Variants in ANKFN1 observed in about 807,000 individuals in gnomAD.
ANKFN1 encodes ankyrin repeat and fibronectin type-III domain-containing protein 1.
ANKFN1 carries 74 observed loss-of-function variants against 108.7 expected under a neutral mutation model. The observed-to-expected ratio is 0.68, with a 90% CI of 0.56 to 0.83. The LOEUF is 0.83. Ranked by LOEUF, ANKFN1 falls within the 40% of genes least tolerant of loss-of-function variation. The pLI, the probability that ANKFN1 is intolerant of heterozygous loss-of-function variation, is 0.00. For synonymous variants in ANKFN1, 547 were observed against 516.2 expected (o/e 1.06, Z -0.81); for missense variants, 1,505 against 1,382.3 (o/e 1.09, Z -1.41).
At chr17:56,490,527 C>G (rs1244937221) in intron 18 of ANKFN1, among the ~76,000 whole-genome samples, 1 of 152,056 alleles carries the variant, frequency 6.6e-6, no homozygotes, top group Non-Finnish European at 1.5e-5. Context: ...ATTCTCAAAT[C>G]CTAGATCACA....
chr17:56,388,772 C>T (rs1160786556), intron 8 of ANKFN1, among the ~76,000 whole-genome samples: 2 of 152,120 alleles, frequency 1.3e-5, no homozygotes, highest in Non-Finnish European at 2.9e-5. Context: ...TTTTCCCTCT[C>T]AGCGTATTCT....
chr17:56,458,477 T>TA (rs374746116), intron 14 of ANKFN1, among the ~76,000 whole-genome samples: 3,650 of 148,096 alleles, frequency 0.025, 62 homozygotes, highest in Non-Finnish European at 0.037. Flanking sequence ...TGCTTACTTA[T>TA]AAAAAAAAAA....
rs537074651 is a variant in ANKFN1 at position 56,505,823 on chromosome 17, G to A, written c.2645-4650G>A. Among the ~76,000 whole-genome samples the A allele has an allele frequency of 9.9e-5, 15 of 152,182 alleles. No individual in the cohort carries two copies. The South Asian group carries it at 2.5e-3, about 25-fold the overall frequency. ...TGTCAGCTCATTTAAGGCACATTTC[G>A]TATACTCCTTAGTCCCCTCCAAACA... is the stretch of plus-strand genomic sequence containing the variant. On this transcript the variant is annotated intron_variant, in intron 20 of 20. Transcript: ENST00000682825.
chr17:56,124,951 C>A (rs747809562), intron 4 of ANKFN1, among the ~76,000 whole-genome samples: 2 of 152,198 alleles, frequency 1.3e-5, no homozygotes, highest in Non-Finnish European at 2.9e-5. Flanking sequence ...CTGGGGCTAA[C>A]ATTTTGGTTG....
chr17:56,495,399 T>C (rs560187788), intron 19 of ANKFN1, among the ~76,000 whole-genome samples: 4 of 152,110 alleles, frequency 2.6e-5, no homozygotes, highest in African/African-American at 9.6e-5. Flanking sequence ...CCCATTGGTG[T>C]TCACAGCTCA....
At chr17:56,280,072 C>T (rs1172793628) in intron 3 of ANKFN1, among the ~76,000 whole-genome samples, 1 of 146,636 alleles carries the variant, frequency 6.8e-6, no homozygotes, top group African/African-American at 2.6e-5. Context: ...TGCAGTGGTG[C>T]GATCTCAGCT....
chr17:56,263,458 T>C (rs576212656), intron 3 of ANKFN1, among the ~76,000 whole-genome samples: 25 of 152,344 alleles, frequency 1.6e-4, no homozygotes, highest in Non-Finnish European at 3.1e-4. Context: ...TTTGCAATTT[T>C]CTAGATCATA....
intron 1 of ANKFN1, among the ~76,000 whole-genome samples, chr17:56,204,664 T>C: frequency 6.6e-6 from 1 of 151,990 alleles, no homozygotes. Flanking sequence ...TGATCATACA[T>C]TACGGATTGG....
intron 8 of ANKFN1, among the ~76,000 whole-genome samples, chr17:56,395,227 A>T (rs2047546373): frequency 6.6e-6 from 1 of 152,212 alleles, no homozygotes; most frequent in Non-Finnish European, 1.5e-5. Flanking sequence ...TCATGAAAGG[A>T]CAAGGGATTT....
At chr17:56,296,841 T>C (rs974502918) in intron 3 of ANKFN1, among the ~76,000 whole-genome samples, 2 of 152,226 alleles carry the variant, frequency 1.3e-5, no homozygotes, top group African/African-American at 4.8e-5. Context: ...ATGGGAAAAG[T>C]AATAGTGCTG....
chr17:56,253,053 C>A (rs949525661), intron 3 of ANKFN1, among the ~76,000 whole-genome samples: 3 of 152,056 alleles, frequency 2.0e-5, no homozygotes, highest in East Asian at 1.9e-4. Flanking sequence ...CAGAGCGAGA[C>A]CTTGTCTTCA....
At chr17:56,053,612 C>G (rs1904815566) in intron 4 of ANKFN1, among the ~76,000 whole-genome samples, 1 of 152,172 alleles carries the variant, frequency 6.6e-6, no homozygotes, top group Admixed American at 6.5e-5. Flanking sequence ...CTGCAAAAAA[C>G]ATGGGAGTGC....
At chr17:56,413,075 A>T (rs1025889325) in intron 8 of ANKFN1, among the ~76,000 whole-genome samples, 3 of 152,112 alleles carry the variant, frequency 2.0e-5, no homozygotes, top group Non-Finnish European at 2.9e-5. Context: ...AGCTTATTTC[A>T]AGTGCCTCGA....
chr17:56,410,441 GTATAA>G (rs1265044220), intron 8 of ANKFN1, among the ~76,000 whole-genome samples: 1 of 152,030 alleles, frequency 6.6e-6, no homozygotes, highest in Non-Finnish European at 1.5e-5. Context: ...TAGTTATGGG[GTATAA>G]TATGATTTGA....
At chr17:56,397,259 G>A (rs1446936315) in intron 8 of ANKFN1, among the ~76,000 whole-genome samples, 1 of 152,102 alleles carries the variant, frequency 6.6e-6, no homozygotes, top group Non-Finnish European at 1.5e-5. Flanking sequence ...TAAACAGGAT[G>A]GGCTGCCTAC....
At chr17:56,251,645 G>A (rs1302691828) in intron 3 of ANKFN1, among the ~76,000 whole-genome samples, 1 of 152,140 alleles carries the variant, frequency 6.6e-6, no homozygotes, top group Non-Finnish European at 1.5e-5. Flanking sequence ...GAACTGCACA[G>A]TGTTTATTTT....
chr17:56,325,728 G>T (rs1368954472), intron 3 of ANKFN1, among the ~76,000 whole-genome samples: 1 of 152,200 alleles, frequency 6.6e-6, no homozygotes, highest in African/African-American at 2.4e-5. Flanking sequence ...ACGGCCACTT[G>T]TGTGCTTCTG....
chr17:56,219,841 A>T (rs1036960004), intron 2 of ANKFN1, among the ~76,000 whole-genome samples: 17 of 152,232 alleles, frequency 1.1e-4, no homozygotes, highest in African/African-American at 3.9e-4. Flanking sequence ...GGCTACTGAA[A>T]CCAGTACAAA....
intron 14 of ANKFN1, 26 bp downstream of exon 14, chr17:56,458,005 C>T: frequency 1.3e-6 from 2 of 1,572,810 alleles, no homozygotes; most frequent in Non-Finnish European, 1.7e-6. Context: ...TCAACCCAGG[C>T]CCCCAAGGAA....
Sources: gnomAD v4.1 joint callset for allele counts (sites outside exome capture counted in the v4.1 genomes callset) on GRCh38, gnomAD v4.1.1 for gene constraint, MANE v1.5 for transcripts, NCBI Gene and HGNC (gene_info 2026-07-23, HGNC 2026-07-21) for gene names.